Variants in MAP3K1 observed in about 807,000 individuals in gnomAD.
The protein encoded by MAP3K1 is mitogen-activated protein kinase kinase kinase 1, also known as MAP/ERK kinase kinase 1.
MAP3K1 carries 36 observed loss-of-function variants against 144.2 expected under a neutral mutation model. The ratio of observed to expected loss-of-function variants is 0.25; its 90% CI spans 0.19 to 0.33. The LOEUF is 0.33. Among genes scored for constraint, MAP3K1 ranks in the 10% least tolerant of loss-of-function variants. MAP3K1 has a pLI of 1.00. For missense variants in MAP3K1, 1,650 were observed against 1,881.9 expected, an observed-to-expected ratio of 0.88 and a Z score of 2.28; for synonymous variants, 718 against 688.7, an observed-to-expected ratio of 1.04 and a Z score of -0.67.
intron 1 of MAP3K1, among the ~76,000 whole-genome samples, chr5:56,817,612 T>C (rs889752428): frequency 2.0e-5 from 3 of 152,242 alleles, no homozygotes; most frequent in Non-Finnish European, 4.4e-5. Flanking sequence ...AAGAGTTATG[T>C]ACCTCTATAG....
At position 56,878,996 on chromosome 5, in the gene MAP3K1, T is replaced by C. The variant is rs1390437726; in HGVS notation, c.1982T>C (p.Met661Thr). 1.2e-6 allele frequency: 2 copies of C among 1,613,948 alleles called. No individual in the cohort carries two copies. Among genetic ancestry groups the C allele is most frequent in the Admixed American group, 1.7e-5 (1 of 60,010 alleles). ...YVAALKTLRAMLVYTPCHSLA... is the reference protein window; with the variant it reads ...YVAALKTLRATLVYTPCHSLA... ...TTTCCTTAGAAAACATTGAGAGCCA[T>C]GCTGGTATATACTCCTTGCCACAGT... The change falls in exon 11 of 20, where the codon ATG becomes ACG. Residue 661 changes from methionine (M) to threonine (T), a missense_variant. Transcript: ENST00000399503.
intron 1 of MAP3K1, among the ~76,000 whole-genome samples, chr5:56,839,985 T>C (rs1746763975): frequency 6.6e-6 from 1 of 152,154 alleles, no homozygotes; most frequent in African/African-American, 2.4e-5. Flanking sequence ...TCTCTAGAAG[T>C]TTGGTGATGT....
chr5:56,872,978 C>G lies in MAP3K1; in HGVS notation c.1659C>G (p.Tyr553Ter). The G allele has an allele frequency of 6.2e-7, 1 of 1,613,968 alleles. No homozygotes were observed. The highest frequency in any genetic ancestry group is 8.5e-7 in the Non-Finnish European group (1 of 1,179,950). Residue 553 changes from tyrosine to a stop codon, truncating the protein, a stop_gained, in exon 9 of 20, where the codon TAC (tyrosine) becomes TAG (stop). Coordinates refer to ENST00000399503, the MANE Select transcript of MAP3K1 (RefSeq NM_005921.2). LOFTEE classifies it high-confidence loss of function. ...GAACTCAGCAAATCCCTCCTGCTTA[C>G]AAAGATTTAGCTGAGCCATGGATTC... The part of the protein sequence containing the change: ...HYGTQQIPPA[Y>*]KDLAEPWIQV...
At chr5:56,847,413 A>C (rs539433462) in intron 1 of MAP3K1, among the ~76,000 whole-genome samples, 1 of 152,234 alleles carries the variant, frequency 6.6e-6, no homozygotes, top group African/African-American at 2.4e-5. Flanking sequence ...CCTGGCCAAC[A>C]TGGTGAAACC....
chr5:56,888,272 T>C lies in MAP3K1; in HGVS notation c.4304T>C (p.Val1435Ala), dbSNP rs1356600233. ...GGAAGGAGCTGTGATGTATGGAGTG[T>C]TGGCTGTGCTATTATAGAAATGGCT... The part of the protein sequence containing the change: ...QYGRSCDVWS[V>A]GCAIIEMACA... The change falls in exon 19 of 20, where the codon GTT becomes GCT. Residue 1435 changes from valine to alanine, a missense_variant. Val to Ala is a moderately conservative substitution (Grantham distance 64, BLOSUM62 0). This residue lies in a region of MAP3K1 where 165 missense variants were observed against 322.9 expected (regional missense o/e 0.51). Transcript: ENST00000399503. The C allele has an allele frequency of 1.2e-6, 2 of 1,613,638 alleles. No individual in the cohort carries two copies. The highest frequency in any genetic ancestry group is 2.7e-5 in the African/African-American group (2 of 74,898).
At position 56,881,433 on chromosome 5, in the gene MAP3K1, T is replaced by A. The variant is rs1233493681; in HGVS notation, c.2370-137T>A. Reference sequence around the variant, plus strand: ...ATGAAAACCCAAAGTCTGGGCTCTTTAATTAAAAATTCATAGATACTTTAT... The same window carrying A: ...ATGAAAACCCAAAGTCTGGGCTCTTAAATTAAAAATTCATAGATACTTTAT... On this transcript the variant is annotated intron_variant, in intron 13 of 19. Transcript: ENST00000399503. 4 of 972,300 alleles carry A rather than the reference T, an allele frequency of 4.1e-6. No individual in the cohort carries two copies. The South Asian group carries it at 4.3e-5, about 10-fold the overall frequency. 60.2% of individuals were successfully genotyped at this position (972,300 alleles called of 1,614,324 possible). A position where few individuals can be genotyped will look rare whatever the true frequency, so the allele number is the denominator to read the frequency against.
chr5:56,844,272 T>C (rs952105752), intron 1 of MAP3K1, among the ~76,000 whole-genome samples: 4 of 134,578 alleles, frequency 3.0e-5, no homozygotes, highest in Non-Finnish European at 4.7e-5. Flanking sequence ...CTCCGCCTCC[T>C]GGGTTCATGC....
chr5:56,821,681 G>T (rs545305350), intron 1 of MAP3K1, among the ~76,000 whole-genome samples: 2 of 152,186 alleles, frequency 1.3e-5, no homozygotes, highest in East Asian at 1.9e-4. Context: ...ACTGTGTCTG[G>T]CTTTACTTTT....
At position 56,883,760 on chromosome 5, in the gene MAP3K1, T is replaced by C. The variant is rs28391184; in HGVS notation, c.3819+81T>C. The C allele has an allele frequency of 8.0e-3, 11,192 of 1,392,766 alleles. 692 individuals carry two copies. In the African/African-American group the frequency reaches 0.14, roughly 17 times the overall value. 86.3% of individuals were successfully genotyped at this position (1,392,766 alleles called of 1,614,324 possible). On this transcript the variant is annotated intron_variant, in intron 15 of 19. Transcript: ENST00000399503. ...TTCAGTAAAAAGAATAAAGGATATG[T>C]CCACGTGTGTGTACTTTAGTTCTTT...
chr5:56,819,381 A>C (rs1746083115), intron 1 of MAP3K1, among the ~76,000 whole-genome samples: 3 of 152,162 alleles, frequency 2.0e-5, no homozygotes, highest in Admixed American at 6.5e-5. Flanking sequence ...CTGACTTGTC[A>C]ACTTGCAGAT....
chr5:56,858,153 A>G (rs969956093), intron 2 of MAP3K1, among the ~76,000 whole-genome samples: 11 of 152,340 alleles, frequency 7.2e-5, no homozygotes, highest in African/African-American at 2.2e-4. Context: ...TTACTACTCA[A>G]TCAATATAAA....
At chr5:56,867,263 T>TG (rs932480715) in intron 6 of MAP3K1, among the ~76,000 whole-genome samples, 2 of 152,176 alleles carry the variant, frequency 1.3e-5, no homozygotes, top group African/African-American at 4.8e-5. Flanking sequence ...TGCATATCCA[T>TG]GGGGGGAATC....
chr5:56,831,818 TAA>T (rs1746502917), intron 1 of MAP3K1, among the ~76,000 whole-genome samples: 1 of 152,246 alleles, frequency 6.6e-6, no homozygotes, highest in African/African-American at 2.4e-5. Context: ...ACTCTGATAC[TAA>T]ACAGTTTACT....
rs1748635131 is a variant in MAP3K1 at position 56,894,208 on chromosome 5, C to T, written c.*528C>T. The T allele has an allele frequency of 4.2e-6, 1 of 239,034 alleles. No homozygotes were observed. Among genetic ancestry groups the T allele is most frequent in the Non-Finnish European group, 8.3e-6 (1 of 121,104 alleles). 14.8% of individuals were successfully genotyped at this position (239,034 alleles called of 1,614,324 possible). ...AAAGTTGATACTTCTTTATGACCCA[C>T]AGTTGACCTTTATTTTCTTAAATAC... On this transcript the variant is annotated 3_prime_UTR_variant, in exon 20 of 20. Transcript: ENST00000399503.
intron 1 of MAP3K1, among the ~76,000 whole-genome samples, chr5:56,825,098 C>A (rs1746272510): frequency 6.6e-6 from 1 of 152,130 alleles, no homozygotes; most frequent in Non-Finnish European, 1.5e-5. Flanking sequence ...ACCTCCGCCT[C>A]CCAGGTTCAG....
At chr5:56,817,333 C>T (rs1746009680) in intron 1 of MAP3K1, among the ~76,000 whole-genome samples, 1 of 152,116 alleles carries the variant, frequency 6.6e-6, no homozygotes. Flanking sequence ...ATTCCCTGAC[C>T]TTTATTATGA....
Position 56,815,655 on chromosome 5 carries a change from G to C in MAP3K1, c.82G>C (p.Gly28Arg). The C allele has an allele frequency of 7.5e-7, 1 of 1,334,554 alleles. No individual in the cohort carries two copies. Among genetic ancestry groups the C allele is most frequent in the Non-Finnish European group, 9.6e-7 (1 of 1,042,324 alleles). 82.7% of individuals were successfully genotyped at this position (1,334,554 alleles called of 1,614,324 possible). Residue 28 changes from glycine (G) to arginine (R), a missense_variant, in exon 1 of 20, where the codon GGA becomes CGA. Gly to Arg is a moderately radical substitution (Grantham distance 125). Coordinates refer to ENST00000399503, the MANE Select transcript of MAP3K1 (RefSeq NM_005921.2). Reference sequence around the variant, plus strand: ...TACGAGCCCTGAGGCAGGCGGCGGCGGAGGAGCCCTCAAGGCGAGCAGCGC... The same window carrying C: ...TACGAGCCCTGAGGCAGGCGGCGGCCGAGGAGCCCTCAAGGCGAGCAGCGC... Reference protein sequence around the residue: ...RATSPEAGGGGGALKASSAPA... With the variant: ...RATSPEAGGGRGALKASSAPA...
At chr5:56,872,496 G>A (rs1439181625) in intron 7 of MAP3K1, 145 bp from the exon 8 acceptor site, 2 of 650,168 alleles carry the variant, frequency 3.1e-6, no homozygotes. Context: ...TTAACCTGCT[G>A]TGTTTACTTG....
intron 8 of MAP3K1, 29 bp from the exon 9 acceptor site, chr5:56,872,796 A>T (rs1262503848): frequency 3.1e-6 from 5 of 1,613,154 alleles, no homozygotes; most frequent in Non-Finnish European, 4.2e-6. Flanking sequence ...TAATTTTTTT[A>T]AAGCAAGTTT....
Sources: allele counts gnomAD v4.1 joint callset (sites outside exome capture counted in the v4.1 genomes callset), GRCh38; gene constraint gnomAD v4.1.1; regional missense constraint gnomAD v4.1.1; transcripts MANE v1.5; gene names NCBI Gene and HGNC (gene_info 2026-07-23, HGNC 2026-07-21).